Variants in MBOAT2 observed in about 807,000 individuals in gnomAD.
MBOAT2 encodes membrane-bound glycerophospholipid O-acyltransferase 2.
Under a neutral mutation model 63.4 loss-of-function variants are expected in MBOAT2, and 28 were observed. The observed-to-expected ratio is 0.44, with a 90% CI of 0.33 to 0.61. MBOAT2 has a LOEUF of 0.61. Among genes scored for constraint, MBOAT2 ranks in the 20% least tolerant of loss-of-function variants. MBOAT2 has a pLI of 0.03. For missense variants in MBOAT2, 470 were observed against 605.8 expected (o/e 0.78, Z 2.35); for synonymous variants, 211 against 215.6 (o/e 0.98, Z 0.19).
chr2:8,902,725 T>C (rs993513378), intron 4 of MBOAT2, among the ~76,000 whole-genome samples: 2 of 152,162 alleles, frequency 1.3e-5, no homozygotes, highest in East Asian at 3.8e-4. Context: ...CTGACTGACT[T>C]CAGGAGTAAA....
intron 3 of MBOAT2, among the ~76,000 whole-genome samples, chr2:8,926,374 A>C (rs897477503): frequency 6.6e-6 from 1 of 152,244 alleles, no homozygotes; most frequent in East Asian, 1.9e-4. Context: ...TACAAAGTAA[A>C]GTACGACTCT....
chr2:8,919,824 T>C (rs1558615660), intron 3 of MBOAT2, among the ~76,000 whole-genome samples: 1 of 152,112 alleles, frequency 6.6e-6, no homozygotes, highest in Non-Finnish European at 1.5e-5. Flanking sequence ...GGTACAATCA[T>C]AACTCAATGT....
At chr2:8,974,712 A>T (rs1445947726) in intron 1 of MBOAT2, among the ~76,000 whole-genome samples, 4 of 152,104 alleles carry the variant, frequency 2.6e-5, no homozygotes, top group African/African-American at 7.2e-5. Flanking sequence ...TCTACTCCCA[A>T]ATAGATGATT....
intron 4 of MBOAT2, among the ~76,000 whole-genome samples, chr2:8,890,639 C>T (rs1442996607): frequency 6.6e-6 from 1 of 152,190 alleles, no homozygotes; most frequent in Non-Finnish European, 1.5e-5. Context: ...CCCACCTCAG[C>T]CTCCAAAGCA....
At chr2:8,880,738 G>T (rs151042617) in intron 6 of MBOAT2, among the ~76,000 whole-genome samples, 1 of 152,326 alleles carries the variant, frequency 6.6e-6, no homozygotes, top group East Asian at 1.9e-4. Context: ...ATTGAAAGAA[G>T]GGAGTGTCCT....
intron 3 of MBOAT2, among the ~76,000 whole-genome samples, chr2:8,924,141 T>A (rs1366984238): frequency 6.6e-6 from 1 of 152,152 alleles, no homozygotes; most frequent in Non-Finnish European, 1.5e-5. Flanking sequence ...TTAAACCACC[T>A]GCTTTATCAG....
chr2:8,890,678 C>T (rs955787478), intron 4 of MBOAT2, among the ~76,000 whole-genome samples: 3 of 151,994 alleles, frequency 2.0e-5, no homozygotes, highest in Admixed American at 6.6e-5. Flanking sequence ...TGCTACCACA[C>T]GTGGGTAATT....
intron 3 of MBOAT2, among the ~76,000 whole-genome samples, chr2:8,921,767 C>G (rs950515308): frequency 6.6e-6 from 1 of 152,188 alleles, no homozygotes; most frequent in African/African-American, 2.4e-5. Flanking sequence ...TATCATTGCT[C>G]TCTCCATAAT....
chr2:8,956,038 A>G (rs1669199880), intron 2 of MBOAT2, among the ~76,000 whole-genome samples: 1 of 152,226 alleles, frequency 6.6e-6, no homozygotes, highest in Admixed American at 6.5e-5. Flanking sequence ...TAGGGTAAAT[A>G]TAACTTTTAA....
At chr2:8,879,649 C>T (rs1662959016) in intron 6 of MBOAT2, among the ~76,000 whole-genome samples, 1 of 152,014 alleles carries the variant, frequency 6.6e-6, no homozygotes, top group Non-Finnish European at 1.5e-5. Context: ...TTAGCAGCAC[C>T]CCTAGGCGCT....
At chr2:8,923,725 A>C (rs1480365209) in intron 3 of MBOAT2, among the ~76,000 whole-genome samples, 1 of 152,150 alleles carries the variant, frequency 6.6e-6, no homozygotes, top group East Asian at 1.9e-4. Flanking sequence ...CAAGAATACC[A>C]TCAATTCCCA....
intron 9 of MBOAT2, among the ~76,000 whole-genome samples, chr2:8,865,897 C>T (rs1444887641): frequency 6.6e-6 from 1 of 152,256 alleles, no homozygotes; most frequent in African/African-American, 2.4e-5. Flanking sequence ...ATTGGCCGGG[C>T]GTGGTGGCAG....
intron 6 of MBOAT2, among the ~76,000 whole-genome samples, chr2:8,878,474 C>T (rs1243340753): frequency 2.0e-5 from 3 of 152,152 alleles, no homozygotes; most frequent in Non-Finnish European, 2.9e-5. Context: ...TTAAAAAATA[C>T]AAACACTCTT....
Position 8,862,760 on chromosome 2 carries a change from G to A in MBOAT2, c.1053-38C>T. 3 of 1,586,316 alleles carry A rather than the reference G, an allele frequency of 1.9e-6. No homozygotes were observed. Among genetic ancestry groups the A allele is most frequent in the Non-Finnish European group, 2.6e-6 (3 of 1,169,518 alleles). On this transcript the variant is annotated intron_variant, in intron 10 of 12. Coordinates refer to ENST00000305997, the MANE Select transcript of MBOAT2 (RefSeq NM_138799.4). The surrounding 1 kb of genome is among the most constrained non-coding windows in gnomAD (Gnocchi z 4.3). ...AAAAACATGGAGAGCCAAGTGGAGT[G>A]AGTGACCCGAGTTTACAAAGCCTGC...
intron 1 of MBOAT2, among the ~76,000 whole-genome samples, chr2:9,002,990 G>A (rs1331427254): frequency 6.6e-6 from 1 of 152,106 alleles, no homozygotes; most frequent in African/African-American, 2.4e-5. Context: ...TGTCCCCAAA[G>A]TGCAGTAGCG....
chr2:8,921,237 C>T (rs1666543909), intron 3 of MBOAT2, among the ~76,000 whole-genome samples: 2 of 152,020 alleles, frequency 1.3e-5, no homozygotes, highest in African/African-American at 4.8e-5. Flanking sequence ...TCAATGTATA[C>T]TTTTTATTTA....
chr2:8,971,268 CAT>C (rs1477436624), intron 1 of MBOAT2, among the ~76,000 whole-genome samples: 1 of 152,330 alleles, frequency 6.6e-6, no homozygotes, highest in East Asian at 1.9e-4. Flanking sequence ...ACAAAAACCA[CAT>C]GATTATCTCA....
chr2:8,913,080 C>G (rs145610747), intron 3 of MBOAT2, among the ~76,000 whole-genome samples: 1 of 151,998 alleles, frequency 6.6e-6, no homozygotes, highest in Admixed American at 6.6e-5. Flanking sequence ...CAAACAAAAA[C>G]GTAAAATGAG....
chr2:8,920,810 T>C (rs1264953559), intron 3 of MBOAT2, among the ~76,000 whole-genome samples: 6 of 152,230 alleles, frequency 3.9e-5, no homozygotes. Flanking sequence ...CCTGCATTTC[T>C]GGATTCTCAA....
Sources: allele counts gnomAD v4.1 joint callset (sites outside exome capture counted in the v4.1 genomes callset), GRCh38; gene constraint gnomAD v4.1.1; non-coding constraint Gnocchi (gnomAD v3.1); transcripts MANE v1.5; gene names NCBI Gene and HGNC (gene_info 2026-07-23, HGNC 2026-07-21).